The following CDYL variants were observed in gnomAD, a reference collection of about 807,000 sequenced individuals.
CDYL encodes the protein chromodomain Y like, also known as chromodomain Y-like protein.
In CDYL, 8 loss-of-function variants were observed where a neutral mutation model predicts 47.3. The observed-to-expected ratio is 0.17, with a 90% CI of 0.10 to 0.31. CDYL has a LOEUF of 0.31. CDYL is among the 10% of genes least tolerant of loss of function. CDYL has a pLI of 1.00. For synonymous variants in CDYL, 266 were observed against 265.0 expected (o/e 1.00, Z -0.04); for missense variants, 471 against 701.4 (o/e 0.67, Z 3.71).
Position 4,845,932 on chromosome 6 carries a change from T to C in CDYL, c.25-45781T>C, listed in dbSNP as rs114389490. Among the ~76,000 whole-genome samples the C allele has an allele frequency of 8.8e-3, 1,342 of 152,316 alleles. 8 individuals are homozygous for C. Among genetic ancestry groups the C allele is most frequent in the Non-Finnish European group, 0.014 (923 of 68,038 alleles). On this transcript the variant is annotated intron_variant, in intron 1 of 6. Transcript: ENST00000397588. ...AACTACTAACGGAACTGATCTCCTATTTGAAAACTGGCACAATCTAATTGC... is the reference window on the plus strand; with the variant it reads ...AACTACTAACGGAACTGATCTCCTACTTGAAAACTGGCACAATCTAATTGC...
intron 1 of CDYL, among the ~76,000 whole-genome samples, chr6:4,838,346 A>T (rs1218596471): frequency 6.6e-6 from 1 of 150,760 alleles, no homozygotes; most frequent in Non-Finnish European, 1.5e-5. Context: ...CCATTGTATC[A>T]TTATGCCTTT....
At chr6:4,869,327 C>T (rs112503783) in intron 1 of CDYL, among the ~76,000 whole-genome samples, 1 of 152,068 alleles carries the variant, frequency 6.6e-6, no homozygotes, top group African/African-American at 2.4e-5. Context: ...AACTCCTGAC[C>T]TCAGGTGATC....
intron 2 of CDYL, among the ~76,000 whole-genome samples, chr6:4,734,392 A>G (rs1180678836): frequency 6.6e-6 from 1 of 152,092 alleles, no homozygotes; most frequent in Non-Finnish European, 1.5e-5. Context: ...CACATGATGC[A>G]GGGGGCTCCC....
intron 2 of CDYL, among the ~76,000 whole-genome samples, chr6:4,724,141 A>G (rs1440875536): frequency 1.3e-5 from 2 of 152,102 alleles, no homozygotes; most frequent in Non-Finnish European, 2.9e-5. Flanking sequence ...CCTGGGTTCA[A>G]ATGATTCTCC....
chr6:4,791,948 T>A (rs1282253589), intron 1 of CDYL, among the ~76,000 whole-genome samples: 2 of 150,912 alleles, frequency 1.3e-5, no homozygotes, highest in Non-Finnish European at 2.9e-5. Flanking sequence ...AGTGGCGCGA[T>A]CTCAGCTCAC....
intron 3 of CDYL, among the ~76,000 whole-genome samples, chr6:4,770,511 G>T (rs1488946566): frequency 6.6e-6 from 1 of 152,214 alleles, no homozygotes; most frequent in Non-Finnish European, 1.5e-5. Context: ...TCCTGGAACA[G>T]GGTAAGTGCT....
At chr6:4,720,652 A>G (rs1757350678) in intron 2 of CDYL, among the ~76,000 whole-genome samples, 1 of 152,226 alleles carries the variant, frequency 6.6e-6, no homozygotes, top group South Asian at 2.1e-4. Flanking sequence ...TAACTTGTCC[A>G]ACTCCTAGAA....
intron 1 of CDYL, chr6:4,890,168 T>A (rs1383797764): frequency 2.0e-6 from 2 of 984,978 alleles, no homozygotes; most frequent in Non-Finnish European, 2.4e-6. Flanking sequence ...AACATAGCTT[T>A]CCTACAAGAC....
chr6:4,767,598 G>C (rs952706360), intron 3 of CDYL, among the ~76,000 whole-genome samples: 1 of 151,616 alleles, frequency 6.6e-6, no homozygotes, highest in Non-Finnish European at 1.5e-5. Context: ...GAGATGAGGG[G>C]AGGGGAGGGG....
Position 4,813,352 on chromosome 6 carries a change from C to T in CDYL, c.24+36545C>T, listed in dbSNP as rs753460735. On this transcript the variant is annotated intron_variant, in intron 1 of 6. Coordinates refer to ENST00000397588, the MANE Select transcript of CDYL (RefSeq NM_004824.4). The stretch of plus-strand genomic sequence containing the variant: ...GTTGTAGATATTCTATCCAGATTTG[C>T]TGGCGAAGAGGTCTTTGTTACTTTT... 3.3e-5 allele frequency among the ~76,000 whole-genome samples: 5 copies of T among 152,182 alleles called. No homozygotes were observed. The South Asian group carries it at 1.0e-3, about 31-fold the overall frequency.
intron 5 of CDYL, among the ~76,000 whole-genome samples, chr6:4,945,594 C>T (rs1460445761): frequency 6.6e-6 from 1 of 152,236 alleles, no homozygotes; most frequent in African/African-American, 2.4e-5. Flanking sequence ...TATAGTTGAT[C>T]AGGAGAGGAA....
At chr6:4,737,999 A>G (rs180814437) in intron 3 of CDYL, among the ~76,000 whole-genome samples, 2 of 152,386 alleles carry the variant, frequency 1.3e-5, no homozygotes, top group African/African-American at 4.8e-5. Flanking sequence ...TATACAAAAC[A>G]TGCTAAAATT....
intron 5 of CDYL, among the ~76,000 whole-genome samples, 180 bp from the exon 6 acceptor site, chr6:4,952,086 C>G (rs1286516059): frequency 6.6e-6 from 1 of 152,192 alleles, no homozygotes; most frequent in African/African-American, 2.4e-5. Flanking sequence ...ACTTTCCCAC[C>G]TGCCCAATGG....
Position 4,877,286 on chromosome 6 carries a change from A to G in CDYL, c.25-14427A>G, listed in dbSNP as rs566270615. On this transcript the variant is annotated intron_variant, in intron 1 of 6. Coordinates refer to ENST00000397588, the MANE Select transcript of CDYL (RefSeq NM_004824.4). ...TTTTCTTATTTATTCTGTCCTCACA[A>G]TCTGTCCCCGTCAACATTGTTTTTG... 1.6e-4 allele frequency among the ~76,000 whole-genome samples: 24 copies of G among 152,284 alleles called. 1 individual carries two copies. In the South Asian group the frequency reaches 4.2e-3, roughly 26 times the overall value.
intron 3 of CDYL, among the ~76,000 whole-genome samples, chr6:4,747,991 G>A (rs886834311): frequency 2.0e-5 from 3 of 152,198 alleles, no homozygotes; most frequent in African/African-American, 7.2e-5. Context: ...ACACAATGCT[G>A]CTGTAGATAG....
intron 3 of CDYL, among the ~76,000 whole-genome samples, chr6:4,770,417 G>A (rs943552000): frequency 5.9e-5 from 9 of 152,100 alleles, no homozygotes; most frequent in South Asian, 2.1e-4. Context: ...TACTTATTAC[G>A]GTTCTTTGTA....
chr6:4,927,534 GC>G (rs1333152003), intron 2 of CDYL, among the ~76,000 whole-genome samples: 5 of 151,422 alleles, frequency 3.3e-5, no homozygotes, highest in African/African-American at 1.2e-4. Context: ...TGCTGCCTCA[GC>G]CTCCTGAGTA....
chr6:4,795,753 G>C (rs115639119), intron 1 of CDYL, among the ~76,000 whole-genome samples: 1,536 of 147,518 alleles, frequency 0.01, 39 homozygotes, highest in African/African-American at 0.036. Context: ...TCTTTCTGTT[G>C]CATCCTTGTC....
intron 1 of CDYL, among the ~76,000 whole-genome samples, chr6:4,885,188 C>T (rs1761868909): frequency 6.6e-6 from 1 of 152,002 alleles, no homozygotes; most frequent in Non-Finnish European, 1.5e-5. Context: ...GAGATGGGGT[C>T]TTGCTATGTT....
Sources: allele counts gnomAD v4.1 joint callset (sites outside exome capture counted in the v4.1 genomes callset), GRCh38; gene constraint gnomAD v4.1.1; transcripts MANE v1.5; gene names NCBI Gene and HGNC (gene_info 2026-07-23, HGNC 2026-07-21).